The following CLEC4A variants were observed in gnomAD, a reference collection of about 807,000 sequenced individuals.
The protein encoded by CLEC4A is C-type lectin domain family 4 member A.
Under a neutral mutation model 32.7 loss-of-function variants are expected in CLEC4A, and 27 were observed. That is an observed-to-expected ratio of 0.83 (90% CI 0.61 to 1.14). CLEC4A has a LOEUF of 1.14. Among genes scored for constraint, CLEC4A ranks in the 50% most tolerant of loss-of-function variants. The pLI, the probability that CLEC4A is intolerant of heterozygous loss-of-function variation, is 0.00. For missense variants in CLEC4A, 253 were observed against 274.6 expected (o/e 0.92, Z 0.55); for synonymous variants, 89 against 93.7 (o/e 0.95, Z 0.29).
chr12:8,134,908 G>A, intron 3 of CLEC4A: 1 of 1,314,532 alleles, frequency 7.6e-7, no homozygotes, highest in Non-Finnish European at 9.8e-7. Flanking sequence ...ATATCTTCTA[G>A]TTCTTTGCTG....
At chr12:8,108,186 G>T in the CLEC4A span, among the ~76,000 whole-genome samples, 2 of 152,236 alleles carry the variant, frequency 1.3e-5, no homozygotes, top group Admixed American at 1.3e-4. Context: ...CCATGCAATT[G>T]TATGGTTTTG....
chr12:8,109,622 G>A, the CLEC4A span, among the ~76,000 whole-genome samples: 4 of 152,166 alleles, frequency 2.6e-5, no homozygotes, highest in Admixed American at 2.6e-4. Context: ...AGCCTACGGT[G>A]GGAGAATCGC....
upstream of CLEC4A, among the ~76,000 whole-genome samples, chr12:8,119,012 C>A (rs759155544): frequency 6.6e-6 from 1 of 152,216 alleles, no homozygotes; most frequent in Non-Finnish European, 1.5e-5. Context: ...GCTTCCCAAC[C>A]TCCAGAACTG....
At chr12:8,131,096 G>A (rs1175022136) in intron 3 of CLEC4A, among the ~76,000 whole-genome samples, 1 of 152,168 alleles carries the variant, frequency 6.6e-6, no homozygotes, top group Admixed American at 6.6e-5. Context: ...ATTAGACTGG[G>A]ATTATTGGTT....
Position 8,124,182 on chromosome 12 carries a change from C to T in CLEC4A, c.82+222C>T, listed in dbSNP as rs146013606. Among the ~76,000 whole-genome samples the T allele has an allele frequency of 1.8e-4, 27 of 152,330 alleles. No homozygotes were observed. The East Asian group carries it at 5.0e-3, about 28-fold the overall frequency. On this transcript the variant is annotated intron_variant, in intron 1 of 5. Transcript: ENST00000229332. ...TTTGTGCCACTCTCTTCAGCCTCCA[C>T]TCTGCTTACTGAAACAGAGGTGAGA...
chr12:8,136,902 A>G lies in CLEC4A; in HGVS notation c.565A>G (p.Thr189Ala). Residue 189 changes from threonine to alanine, a missense_variant and splice_region_variant, in exon 5 of 6, where the codon ACA becomes GCA. By Grantham distance (58) the Thr-to-Ala change is moderately conservative. Transcript: ENST00000229332. ...TCAGACACCATACAATGAAAGTTCC[A>G]CGTGAGTATAGAATGAGATAAAAGA... is the stretch of plus-strand genomic sequence containing the variant. ...VDQTPYNESS[T>A]FWHPREPSDP... 1.3e-6 allele frequency: 2 copies of G among 1,598,740 alleles called. No individual in the cohort carries two copies. Among genetic ancestry groups the G allele is most frequent in the African/African-American group, 2.7e-5 (2 of 74,718 alleles).
chr12:8,126,819 G>T (rs967915059), intron 2 of CLEC4A, among the ~76,000 whole-genome samples: 2 of 152,186 alleles, frequency 1.3e-5, no homozygotes, highest in Admixed American at 1.3e-4. Flanking sequence ...ATGACCTAGA[G>T]ATATGAGAGA....
chr12:8,135,237 A>C (rs1230658152), intron 3 of CLEC4A, among the ~76,000 whole-genome samples: 2 of 150,230 alleles, frequency 1.3e-5, no homozygotes, highest in Admixed American at 6.6e-5. Flanking sequence ...TATTTTATTA[A>C]ATTTGAAAAC....
chr12:8,125,486 A>C (rs1392055863), intron 1 of CLEC4A, 75 bp from the exon 2 acceptor site: 1 of 794,580 alleles, frequency 1.3e-6, no homozygotes, highest in Non-Finnish European at 2.2e-6. Flanking sequence ...GAAAAGAGAG[A>C]GAAAGAGGAG....
At chr12:8,112,591 TC>T in the CLEC4A span, among the ~76,000 whole-genome samples, 1 of 152,186 alleles carries the variant, frequency 6.6e-6, no homozygotes, top group African/African-American at 2.4e-5. Context: ...TCTTTTTTTT[TC>T]ATGTGTTGTC....
At chr12:8,113,267 T>G in the CLEC4A span, among the ~76,000 whole-genome samples, 11 of 152,068 alleles carry the variant, frequency 7.2e-5, no homozygotes, top group Non-Finnish European at 1.5e-4. Context: ...GTTACCAGTT[T>G]CATCCATGTC....
chr12:8,116,999 A>T, the CLEC4A span, among the ~76,000 whole-genome samples: 1 of 152,194 alleles, frequency 6.6e-6, no homozygotes, highest in African/African-American at 2.4e-5. Flanking sequence ...ATTTTTAACC[A>T]TCGAGTCCAA....
At chr12:8,132,850 T>A (rs1024490791) in intron 3 of CLEC4A, among the ~76,000 whole-genome samples, 4 of 152,182 alleles carry the variant, frequency 2.6e-5, no homozygotes, top group African/African-American at 4.8e-5. Flanking sequence ...TACAAGGCTC[T>A]GTTTATTTTT....
upstream of CLEC4A, among the ~76,000 whole-genome samples, chr12:8,120,346 A>G (rs1215442495): frequency 6.6e-6 from 1 of 152,236 alleles, no homozygotes; most frequent in Non-Finnish European, 1.5e-5. Flanking sequence ...CTTAGAGCCC[A>G]TCATGAGAGA....
the CLEC4A span, among the ~76,000 whole-genome samples, chr12:8,106,474 T>TTGGGCAGTA: frequency 1.3e-5 from 2 of 152,248 alleles, no homozygotes; most frequent in Non-Finnish European, 2.9e-5. Context: ...ATAAATTGCT[T>TTGGGCAGTA]TGGGCAGTAT....
At chr12:8,132,832 G>A (rs891907348) in intron 3 of CLEC4A, among the ~76,000 whole-genome samples, 2 of 151,688 alleles carry the variant, frequency 1.3e-5, no homozygotes, top group African/African-American at 4.9e-5. Context: ...ACACATTTGG[G>A]GTCACTTTAC....
chr12:8,136,375 G>A (rs895079872), intron 4 of CLEC4A, among the ~76,000 whole-genome samples: 2 of 152,114 alleles, frequency 1.3e-5, no homozygotes, highest in Admixed American at 1.3e-4. Context: ...GACCAGCTTG[G>A]CCAAAATGGT....
rs1264186374 is a variant in CLEC4A at position 8,134,065 on chromosome 12, G to T, written c.299-1520G>T. The T allele has an allele frequency of 1.1e-4, 170 of 1,590,356 alleles. 3 individuals carry two copies. The highest frequency in any genetic ancestry group is 1.1e-3 in the Admixed American group (59 of 56,152). ...CCTTCTCCAGCCCAAGCTGCTGGGC[G>T]ATGTGGCTGATCTGCTGCAGTGTGG... On this transcript the variant is annotated intron_variant, in intron 3 of 5. Coordinates refer to ENST00000229332, the MANE Select transcript of CLEC4A (RefSeq NM_016184.4).
At chr12:8,117,615 G>A in the CLEC4A span, among the ~76,000 whole-genome samples, 1 of 152,032 alleles carries the variant, frequency 6.6e-6, no homozygotes, top group African/African-American at 2.4e-5. Context: ...TGCCTATTTT[G>A]TCATTGCATG....
Sources: allele counts gnomAD v4.1 joint callset (sites outside exome capture counted in the v4.1 genomes callset), GRCh38; gene constraint gnomAD v4.1.1; transcripts MANE v1.5; gene names NCBI Gene and HGNC (gene_info 2026-07-23, HGNC 2026-07-21).